Variants in TRHDE observed in about 807,000 individuals in gnomAD.
The protein encoded by TRHDE is thyrotropin-releasing hormone-degrading ectoenzyme.
A neutral mutation model predicts 125.7 loss-of-function variants in TRHDE; 72 were observed. The ratio of observed to expected loss-of-function variants is 0.57; its 90% confidence interval spans 0.47 to 0.70. The LOEUF (loss-of-function observed/expected upper bound fraction) is 0.70, where lower values mean the gene tolerates loss of function less well. Among genes scored for constraint, TRHDE ranks in the 30% least tolerant of loss-of-function variants. The pLI, the probability that TRHDE is intolerant of heterozygous loss-of-function variation, is 0.00. For synonymous variants in TRHDE, 509 were observed against 509.1 expected (o/e 1.00, Z 0.00); for missense variants, 1,110 against 1,327.1 (o/e 0.84, Z 2.54).
intron 2 of TRHDE, among the ~76,000 whole-genome samples, chr12:72,244,679 T>C (rs1878542226): frequency 6.6e-6 from 1 of 152,110 alleles, no homozygotes; most frequent in African/African-American, 2.4e-5. Flanking sequence ...ACATATTTTA[T>C]TGAAGGCAGT....
At chr12:72,498,440 C>T (rs1878009413) in intron 5 of TRHDE, among the ~76,000 whole-genome samples, 1 of 152,114 alleles carries the variant, frequency 6.6e-6, no homozygotes, top group Non-Finnish European at 1.5e-5. Context: ...TAGGAGACAC[C>T]AGGAGTGAGT....
chr12:72,360,313 T>C (rs989245057), intron 2 of TRHDE, among the ~76,000 whole-genome samples: 2 of 151,758 alleles, frequency 1.3e-5, no homozygotes, highest in African/African-American at 2.4e-5. Flanking sequence ...GACTGGGAGA[T>C]TTTTGCAAAT....
chr12:72,197,951 T>C (rs999903098), intron 2 of TRHDE, among the ~76,000 whole-genome samples: 1 of 152,100 alleles, frequency 6.6e-6, no homozygotes, highest in African/African-American at 2.4e-5. Context: ...CCATACTCAA[T>C]AGCAGTCACT....
At position 72,272,904 on chromosome 12, in the gene TRHDE, G is replaced by A. The variant is rs1879297875; in HGVS notation, c.261G>A (p.Leu87=). ...RHIAVHKRLV[L]AFAVSLVALL... Reference sequence around the variant, plus strand: ...TCGCCGTACACAAGCGGCTTGTGCTGGCCTTCGCTGTGTCCCTCGTGGCAT... The same window carrying A: ...TCGCCGTACACAAGCGGCTTGTGCTAGCCTTCGCTGTGTCCCTCGTGGCAT... Residue 87 remains leucine (L), a synonymous_variant, in exon 1 of 19, where the codon CTG becomes CTA. Coordinates refer to ENST00000261180, the MANE Select transcript of TRHDE (RefSeq NM_013381.3). This position sits in a 1 kb window ranked among gnomAD's most constrained non-coding sequence, Gnocchi z 6.7. 2.5e-6 allele frequency: 4 copies of A among 1,578,130 alleles called. No homozygotes were observed. Among genetic ancestry groups the A allele is most frequent in the South Asian group, 1.1e-5 (1 of 87,778 alleles).
intron 2 of TRHDE, among the ~76,000 whole-genome samples, chr12:72,187,471 T>TGTG (rs1877246872): frequency 8.3e-6 from 1 of 120,406 alleles, no homozygotes; most frequent in Non-Finnish European, 1.8e-5. Flanking sequence ...TGGTGGTGGT[T>TGTG]GTGGTCGTGG....
chr12:72,489,612 A>T (rs971847394), intron 5 of TRHDE, among the ~76,000 whole-genome samples: 15 of 151,956 alleles, frequency 9.9e-5, no homozygotes, highest in Non-Finnish European at 5.9e-5. Context: ...GGATATAATG[A>T]TCAGAAGAGG....
rs1199952361 is a variant in TRHDE, at chr12:72,664,585, C to T, written c.*1390C>T. The T allele has an allele frequency of 6.6e-6, 1 of 152,060 alleles. No homozygotes were observed. The highest frequency in any genetic ancestry group is 2.4e-5 in the African/African-American group (1 of 41,416). The allele number at this position is 152,060 out of a possible 1,614,324, so 9.4% of individuals were successfully genotyped here. Reference sequence around the variant, plus strand: ...TATTCTCACCCAGTAGGCCAGCTCTCCAAACGTTGCTTAGATGCTTCAAAA... The same window carrying T: ...TATTCTCACCCAGTAGGCCAGCTCTTCAAACGTTGCTTAGATGCTTCAAAA... On this transcript the variant is annotated 3_prime_UTR_variant, in exon 19 of 19. Transcript: ENST00000261180.
chr12:72,195,121 G>C (rs1158687464), intron 2 of TRHDE, among the ~76,000 whole-genome samples: 1 of 152,036 alleles, frequency 6.6e-6, no homozygotes, highest in Non-Finnish European at 1.5e-5. Context: ...AAAACCATCA[G>C]ATCCTGTGAG....
At chr12:72,402,202 A>C (rs554525722) in intron 3 of TRHDE, among the ~76,000 whole-genome samples, 1 of 152,166 alleles carries the variant, frequency 6.6e-6, no homozygotes, top group Non-Finnish European at 1.5e-5. Context: ...TCCCTGGGCC[A>C]TGTTGGAAGA....
intron 3 of TRHDE, among the ~76,000 whole-genome samples, chr12:72,466,229 T>C (rs1488139914): frequency 6.6e-6 from 1 of 152,238 alleles, no homozygotes; most frequent in Non-Finnish European, 1.5e-5. Flanking sequence ...CCTTCCTCTT[T>C]ATTCCAAACT....
chr12:72,524,002 T>C lies in TRHDE; in HGVS notation c.1723-18289T>C, dbSNP rs925408923. Among the ~76,000 whole-genome samples, 4 of 152,210 alleles carry C rather than the reference T, an allele frequency of 2.6e-5. No homozygotes were observed. The South Asian group carries it at 6.2e-4, about 24-fold the overall frequency. On this transcript the variant is annotated intron_variant, in intron 6 of 18. Coordinates refer to ENST00000261180, the MANE Select transcript of TRHDE (RefSeq NM_013381.3). ...ATTATTTACCTCACTGATGGACTTCTAGATTTTATCAAGTCCTCAATACTA... is the reference window on the plus strand; with the variant it reads ...ATTATTTACCTCACTGATGGACTTCCAGATTTTATCAAGTCCTCAATACTA...
rs1878053284 is a variant in TRHDE, at chr12:72,224,055, A to G, written n.279+118303A>G. 2.0e-5 allele frequency among the ~76,000 whole-genome samples: 3 copies of G among 148,676 alleles called. No individual in the cohort carries two copies. In the Admixed American group the frequency reaches 2.0e-4, roughly 10 times the overall value. ...TCTCTTTATAGAACTAATTATGTAT[A>G]TGTGTCCTTCCTATCTATCTATCCA... On this transcript the variant is annotated intron_variant and non_coding_transcript_variant, in intron 2 of 4. Transcript: ENST00000548156.
At position 72,468,280 on chromosome 12, in the gene TRHDE, C is replaced by G. The variant is rs555539024; in HGVS notation, c.1316-1478C>G. ...TCTTCACTTATTTCCTCGACATTGT[C>G]TTTCTCAGATTGTCCATGTGATGTA... On this transcript the variant is annotated intron_variant, in intron 3 of 18. Transcript: ENST00000261180. Among the ~76,000 whole-genome samples, 8 of 152,276 alleles carry G rather than the reference C, an allele frequency of 5.3e-5. No individual in the cohort carries two copies. The South Asian group carries it at 1.4e-3, about 28-fold the overall frequency.
intron 3 of TRHDE, among the ~76,000 whole-genome samples, chr12:72,464,400 C>T (rs1240858628): frequency 6.6e-6 from 1 of 152,132 alleles, no homozygotes; most frequent in Non-Finnish European, 1.5e-5. Context: ...CTGGTAGGGT[C>T]TGCTCTCTGC....
chr12:72,462,885 C>A (rs1159937263), intron 3 of TRHDE, among the ~76,000 whole-genome samples: 1 of 152,166 alleles, frequency 6.6e-6, no homozygotes, highest in Non-Finnish European at 1.5e-5. Context: ...TTGGACACAG[C>A]AGCATCTTTG....
chr12:72,447,936 A>G (rs1875379869), intron 3 of TRHDE, among the ~76,000 whole-genome samples: 2 of 152,030 alleles, frequency 1.3e-5, no homozygotes, highest in South Asian at 4.1e-4. Flanking sequence ...TTATAACTGT[A>G]ACACTTCTAA....
chr12:72,595,032 A>G (rs1592560897), intron 12 of TRHDE, among the ~76,000 whole-genome samples: 1 of 145,948 alleles, frequency 6.9e-6, no homozygotes, highest in African/African-American at 2.5e-5. Flanking sequence ...CAAACACCGC[A>G]TGTTCTCACT....
chr12:72,268,695 T>C (rs563041292), upstream of TRHDE, among the ~76,000 whole-genome samples: 1 of 152,218 alleles, frequency 6.6e-6, no homozygotes, highest in Non-Finnish European at 1.5e-5. Flanking sequence ...TTGTAAACAA[T>C]CAAATAGTAA....
chr12:72,520,297 C>T (rs976595559), intron 6 of TRHDE, among the ~76,000 whole-genome samples: 34 of 152,308 alleles, frequency 2.2e-4, no homozygotes, highest in Admixed American at 8.5e-4. Context: ...AGCGAGACTC[C>T]GTGGGCGTAA....
Sources: gnomAD v4.1 joint callset for allele counts (sites outside exome capture counted in the v4.1 genomes callset) on GRCh38, gnomAD v4.1.1 for gene constraint, Gnocchi (gnomAD v3.1) non-coding constraint, MANE v1.5 for transcripts, NCBI Gene and HGNC (gene_info 2026-07-23, HGNC 2026-07-21) for gene names.